Variants in MUC5B observed in about 807,000 individuals in gnomAD.
MUC5B encodes the protein mucin 5B, oligomeric mucus/gel-forming.
MUC5B carries 116 observed loss-of-function variants against 376.9 expected under a neutral mutation model. The observed-to-expected ratio is 0.31, with a 90% CI of 0.26 to 0.36. The LOEUF is 0.36. MUC5B is among the 10% of genes least tolerant of loss of function. The pLI is 1.00. For synonymous variants in MUC5B, 3,517 were observed against 3,390.9 expected (o/e 1.04, Z -1.29); for missense variants, 7,165 against 7,769.9 (o/e 0.92, Z 2.93).
At chr11:1,260,530 G>T in intron 47 of MUC5B, 96 bp from the exon 48 acceptor site, 1 of 1,458,542 alleles carries the variant, frequency 6.9e-7, no homozygotes, top group Non-Finnish European at 9.5e-7. Flanking sequence ...GGAGGGCCAT[G>T]GGAGGGGTGG....
Position 1,249,056 on chromosome 11 carries a change from C to T in MUC5B, c.12176C>T (p.Thr4059Ile). The stretch of plus-strand genomic sequence containing the variant: ...ACCCCAGCAGCAACCACCGGTACCA[C>T]CCAGCACTCGACTCCAGCCCTGTCC... ...SHTPAATTGTTQHSTPALSSP... is the reference protein window; with the variant it reads ...SHTPAATTGTIQHSTPALSSP... Residue 4059 changes from threonine to isoleucine, a missense_variant, in exon 31 of 49, where the codon ACC becomes ATC. By Grantham distance (89) the Thr-to-Ile change is moderately conservative. Transcript: ENST00000529681. 6.2e-7 allele frequency: 1 copy of T among 1,610,830 alleles called. No homozygotes were observed. The highest frequency in any genetic ancestry group is 8.5e-7 in the Non-Finnish European group (1 of 1,179,452).
Position 1,229,198 on chromosome 11 carries a change from C to G in MUC5B, c.1005C>G (p.His335Gln), listed in dbSNP as rs1432370097. Residue 335 changes from histidine to glutamine, a missense_variant, in exon 9 of 49, where the codon CAC (histidine) becomes CAG (glutamine). Physicochemically the swap from His to Gln is conservative, Grantham distance 24 (BLOSUM62 0). Around this residue, in one of 31 missense-constraint regions of MUC5B, gnomAD observed 640 missense variants for 733.0 expected, o/e 0.87. Coordinates refer to ENST00000529681, the MANE Select transcript of MUC5B (RefSeq NM_002458.3). ...CPRTCPLNMQ[H>Q]QECGSPCTDT... ...GGACCTGCCCCCTCAACATGCAGCA[C>G]CAGGAGTGTGGCTCACCCTGCACGG... The G allele has an allele frequency of 6.3e-7, 1 of 1,599,534 alleles. No homozygotes were observed. The highest frequency in any genetic ancestry group is 1.3e-5 in the African/African-American group (1 of 74,646).
Position 1,245,801 on chromosome 11 carries a change from C to T in MUC5B, c.8921C>T (p.Thr2974Ile), listed in dbSNP as rs771978631. The change falls in exon 31 of 49, where the codon ACC becomes ATC. Residue 2974 changes from threonine (T) to isoleucine (I), a missense_variant. Around this residue, in one of 31 missense-constraint regions of MUC5B, gnomAD observed 939 missense variants for 770.6 expected, o/e 1.22. Transcript: ENST00000529681. ...TGCAACTACGGCCACTGCCCCAGCA[C>T]CCCGGCCACCAGCTCTACGGCCACG... ...FCCNYGHCPSTPATSSTATPS... is the reference protein window; with the variant it reads ...FCCNYGHCPSIPATSSTATPS... 7 of 1,613,202 alleles carry T rather than the reference C, an allele frequency of 4.3e-6. No individual in the cohort carries two copies. The South Asian group carries it at 4.4e-5, about 10-fold the overall frequency.
rs1862360709 is a variant in MUC5B, at chr11:1,243,613, A to G, written c.6733A>G (p.Thr2245Ala). ...SHTLAATTGT[T>A]QHSTPALSSP... ...CACCCTAGCAGCAACCACCGGTACC[A>G]CCCAGCACTCGACTCCAGCCCTTTC... Residue 2245 changes from threonine (T) to alanine (A), a missense_variant, in exon 31 of 49, where the codon ACC becomes GCC. Thr to Ala is a moderately conservative substitution (Grantham distance 58). Around this residue, in one of 31 missense-constraint regions of MUC5B, gnomAD observed 67 missense variants for 103.0 expected, o/e 0.65. Coordinates refer to ENST00000529681, the MANE Select transcript of MUC5B (RefSeq NM_002458.3). The G allele has an allele frequency of 6.2e-7, 1 of 1,609,422 alleles. No homozygotes were observed. Among genetic ancestry groups the G allele is most frequent in the Non-Finnish European group, 8.5e-7 (1 of 1,178,874 alleles).
chr11:1,238,969 C>G lies in MUC5B; in HGVS notation c.3396C>G (p.Tyr1132Ter). The G allele has an allele frequency of 6.4e-7, 1 of 1,572,790 alleles. No individual in the cohort carries two copies. The highest frequency in any genetic ancestry group is 8.6e-7 in the Non-Finnish European group (1 of 1,159,844). Residue 1132 changes from tyrosine to a stop codon, truncating the protein, a stop_gained, in exon 26 of 49, where the codon TAC becomes TAG. Coordinates refer to ENST00000529681, the MANE Select transcript of MUC5B (RefSeq NM_002458.3). LOFTEE classifies it high-confidence loss of function. ...CECFCTAVAA[Y>*]AQACHDAGLC... ...GTTTCTGCACGGCTGTGGCTGCCTACGCCCAGGCCTGCCACGACGCGGGCC... is the reference window on the plus strand; with the variant it reads ...GTTTCTGCACGGCTGTGGCTGCCTAGGCCCAGGCCTGCCACGACGCGGGCC...
chr11:1,234,237 A>G lies in MUC5B; in HGVS notation c.2410A>G (p.Ser804Gly), dbSNP rs755734516. 2.5e-6 allele frequency: 4 copies of G among 1,606,990 alleles called. No individual in the cohort carries two copies. Among genetic ancestry groups the G allele is most frequent in the Non-Finnish European group, 3.4e-6 (4 of 1,178,482 alleles). ...CAAPMVYLDC[S>G]NSSAGTPGAE... ...AGCCCCCATGGTGTACCTGGACTGCAGCAACAGCTCGGCGGGCACCCCTGG... is the reference window on the plus strand; with the variant it reads ...AGCCCCCATGGTGTACCTGGACTGCGGCAACAGCTCGGCGGGCACCCCTGG... Residue 804 changes from serine (S) to glycine (G), a missense_variant, in exon 20 of 49, where the codon AGC (serine) becomes GGC (glycine). By Grantham distance (56) the Ser-to-Gly change is moderately conservative. Around this residue, in one of 31 missense-constraint regions of MUC5B, gnomAD observed 530 missense variants for 604.0 expected, o/e 0.88. Coordinates refer to ENST00000529681, the MANE Select transcript of MUC5B (RefSeq NM_002458.3). The surrounding 1 kb of genome is among the most constrained non-coding windows in gnomAD (Gnocchi z 6.3).
At position 1,249,960 on chromosome 11, in the gene MUC5B, C is replaced by A. The variant is rs775692138; in HGVS notation, c.13080C>A (p.Thr4360=). ...TIHPSSTPET[T]HTSTVLTTKA... is the part of the protein sequence containing the mutation. Reference sequence around the variant, plus strand: ...ACCCCTCCTCCACTCCGGAGACCACCCACACCTCCACAGTGCTGACCACGA... The same window carrying A: ...ACCCCTCCTCCACTCCGGAGACCACACACACCTCCACAGTGCTGACCACGA... The change falls in exon 31 of 49, where the codon ACC becomes ACA. Residue 4360 remains threonine (T), a synonymous_variant. Transcript: ENST00000529681. The A allele has an allele frequency of 6.0e-5, 96 of 1,612,106 alleles. No homozygotes were observed. The highest frequency in any genetic ancestry group is 7.2e-5 in the Non-Finnish European group (85 of 1,179,008).
In MUC5B at chr11:1,256,104, C is replaced by G. The variant is rs551235976; in HGVS notation, c.16067-52C>G. 4.0e-4 allele frequency: 285 copies of G among 706,716 alleles called. 1 individual carries two copies. The East Asian group carries it at 7.3e-3, about 18-fold the overall frequency. 43.8% of individuals were successfully genotyped at this position (706,716 alleles called of 1,614,324 possible). A position where few individuals can be genotyped will look rare whatever the true frequency, so the allele number is the denominator to read the frequency against. ...TGTCCTGTGCGGTGATTGGGGGCGG[C>G]CCTGGGCCCCCCCAACCCCTTGGCT... On this transcript the variant is annotated intron_variant, in intron 37 of 48. Transcript: ENST00000529681.
At chr11:1,260,988 C>T (rs577385613) in intron 48 of MUC5B, among the ~76,000 whole-genome samples, 2 of 152,292 alleles carry the variant, frequency 1.3e-5, no homozygotes, top group African/African-American at 4.8e-5. Flanking sequence ...GTCCAGGTGT[C>T]CCCCTGGGGA....
chr11:1,249,397 G>C lies in MUC5B; in HGVS notation c.12517G>C (p.Glu4173Gln). 2 of 1,611,248 alleles carry C rather than the reference G, an allele frequency of 1.2e-6. No individual in the cohort carries two copies. The highest frequency in any genetic ancestry group is 1.7e-6 in the Non-Finnish European group (2 of 1,179,616). The change falls in exon 31 of 49, where the codon GAG (glutamate) becomes CAG (glutamine). Residue 4173 changes from glutamate to glutamine, a missense_variant. Physicochemically the swap from Glu to Gln is conservative, Grantham distance 29. This residue lies in a region of MUC5B where 34 missense variants were observed against 25.7 expected (regional missense o/e 1.32). Coordinates refer to ENST00000529681, the MANE Select transcript of MUC5B (RefSeq NM_002458.3). Reference protein sequence around the residue: ...GAVCEQPLGLECRAQAQPGVP... With the variant: ...GAVCEQPLGLQCRAQAQPGVP... ...CGTCTGTGAGCAGCCCCTGGGCCTC[G>C]AGTGCCGTGCCCAGGCCCAGCCTGG... is the stretch of plus-strand genomic sequence containing the variant.
rs1173268760 is a variant in MUC5B, at chr11:1,243,377, C to T, written c.6497C>T (p.Ala2166Val). Residue 2166 changes from alanine to valine, a missense_variant, in exon 31 of 49, where the codon GCC (alanine) becomes GTC (valine). Physicochemically the swap from Ala to Val is moderately conservative, Grantham distance 64. Transcript: ENST00000529681. ...ATCCCCCCAGTGCTGACCACCACCG[C>T]CACCACACCTGCAGCCACCAGCAAC... ...TPIPPVLTTT[A>V]TTPAATSNTV... The T allele has an allele frequency of 6.5e-7, 1 of 1,535,582 alleles. No homozygotes were observed. The highest frequency in any genetic ancestry group is 1.9e-5 in the Admixed American group (1 of 51,348).
Position 1,246,095 on chromosome 11 carries a change from T to C in MUC5B, c.9215T>C (p.Phe3072Ser), listed in dbSNP as rs55813014. 763,166 of 1,603,330 alleles carry C rather than the reference T, an allele frequency of 0.48. 186,082 individuals are homozygous for C. The highest frequency in any genetic ancestry group is 0.7 in the East Asian group (31,279 of 44,674). Residue 3072 changes from phenylalanine (F) to serine (S), a missense_variant, in exon 31 of 49, where the codon TTC (phenylalanine) becomes TCC (serine). By Grantham distance (155) the Phe-to-Ser change is radical. Coordinates refer to ENST00000529681, the MANE Select transcript of MUC5B (RefSeq NM_002458.3). ...TATSFTPIPS[F>S]TLGTTGTLPE... ...ACCAGCTTTACACCCATCCCCTCCT[T>C]CACCCTTGGGACCACCGGGACCCTC...
intron 26 of MUC5B, 139 bp from the exon 27 acceptor site, chr11:1,239,299 G>T: frequency 1.7e-6 from 2 of 1,176,686 alleles, no homozygotes; most frequent in Non-Finnish European, 2.3e-6. Context: ...GCACCACCCG[G>T]CCGAGGCCCT....
In MUC5B at chr11:1,249,910, C is replaced by T; in HGVS notation, c.13030C>T (p.Pro4344Ser). The change falls in exon 31 of 49, where the codon CCC (proline) becomes TCC (serine). Residue 4344 changes from proline (P) to serine (S), a missense_variant. This residue lies in a region of MUC5B where 431 missense variants were observed against 390.4 expected (regional missense o/e 1.10). Coordinates refer to ENST00000529681, the MANE Select transcript of MUC5B (RefSeq NM_002458.3). ...TGTLPEQTTT[P>S]VATMSTIHPS... ...GACCCTCCCAGAACAGACCACCACA[C>T]CCGTGGCCACCATGTCCACAATCCA... 1.2e-6 allele frequency: 2 copies of T among 1,613,238 alleles called. No individual in the cohort carries two copies. The highest frequency in any genetic ancestry group is 1.7e-6 in the Non-Finnish European group (2 of 1,179,716).
Position 1,252,448 on chromosome 11 carries a change from C to A in MUC5B, c.14969C>A (p.Pro4990Gln). Residue 4990 changes from proline to glutamine, a missense_variant, in exon 32 of 49, where the codon CCA becomes CAA. By Grantham distance (76) the Pro-to-Gln change is moderately conservative. Transcript: ENST00000529681. ...TTCCAGGGCGCCTGTCCCACCTCCC[C>A]ACCGCCAGTGTCCTCCGCCCCGCTG... ...DRFQGACPTS[P>Q]PPVSSAPLSS... 6.2e-7 allele frequency: 1 copy of A among 1,610,592 alleles called. No homozygotes were observed. The highest frequency in any genetic ancestry group is 8.5e-7 in the Non-Finnish European group (1 of 1,178,716).
At chr11:1,232,916 C>T (rs1334262700) in intron 17 of MUC5B, 97 bp from the exon 18 acceptor site, 20 of 1,464,158 alleles carry the variant, frequency 1.4e-5, no homozygotes, top group Non-Finnish European at 1.4e-5. Context: ...CATGCCCTTG[C>T]GATCCCCACG....
rs576857188 is a variant in MUC5B at position 1,248,650 on chromosome 11, A to C, written c.11770A>C (p.Thr3924Pro). The change falls in exon 31 of 49, where the codon ACA (threonine) becomes CCA (proline). Residue 3924 changes from threonine (T) to proline (P), a missense_variant. Around this residue, in one of 31 missense-constraint regions of MUC5B, gnomAD observed 242 missense variants for 199.0 expected, o/e 1.22. Coordinates refer to ENST00000529681, the MANE Select transcript of MUC5B (RefSeq NM_002458.3). ...CCCCACAGTGCTGACCACCACCACC[A>C]CAACTGTGGCCACTGGTTCTATGGC... is the stretch of plus-strand genomic sequence containing the variant. ...HTPTVLTTTT[T>P]TVATGSMATP... 29 of 1,607,290 alleles carry C rather than the reference A, an allele frequency of 1.8e-5. No homozygotes were observed. The African/African-American group carries it at 3.1e-4, about 17-fold the overall frequency.
At position 1,241,801 on chromosome 11, in the gene MUC5B, A is replaced by G; in HGVS notation, c.4921A>G (p.Arg1641Gly). 6.2e-7 allele frequency: 1 copy of G among 1,612,378 alleles called. No individual in the cohort carries two copies. The highest frequency in any genetic ancestry group is 8.5e-7 in the Non-Finnish European group (1 of 1,179,230). ...PQPTSSPGLT[R>G]APPASTTAVP... ...GCCTACGAGTAGCCCGGGGCTGACC[A>G]GGGCTCCCCCGGCCAGCACCACAGC... The change falls in exon 31 of 49, where the codon AGG (arginine) becomes GGG (glycine). Residue 1641 changes from arginine to glycine, a missense_variant. This residue lies in a region of MUC5B where 897 missense variants were observed against 779.6 expected (regional missense o/e 1.15). Transcript: ENST00000529681.
chr11:1,232,959 G>A, intron 17 of MUC5B, 54 bp from the exon 18 acceptor site: 8 of 1,497,902 alleles, frequency 5.3e-6, no homozygotes, highest in Non-Finnish European at 7.1e-6. Flanking sequence ...GAAGATGGGG[G>A]CTGGCCAGGC....
Sources: gnomAD v4.1 joint callset for allele counts (sites outside exome capture counted in the v4.1 genomes callset) on GRCh38, gnomAD v4.1.1 for gene constraint, gnomAD v4.1.1 regional missense constraint, Gnocchi (gnomAD v3.1) non-coding constraint, MANE v1.5 for transcripts, NCBI Gene and HGNC (gene_info 2026-07-23, HGNC 2026-07-21) for gene names.